NBDY: variants seen among roughly 807,000 people sequenced by gnomAD.
The protein encoded by NBDY is negative regulator of P-body association.
intron 2 of NBDY, among the ~76,000 whole-genome samples, chrX:56,800,863 C>T (rs774524891): frequency 9.0e-6 from 1 of 110,915 alleles, no homozygotes; most frequent in East Asian, 2.9e-4. Flanking sequence ...TAAGCAGCAT[C>T]CCCCTCCCCT....
At chrX:56,786,362 C>T (rs1398006171) in intron 2 of NBDY, among the ~76,000 whole-genome samples, 1 of 111,698 alleles carries the variant, frequency 9.0e-6, no homozygotes, top group East Asian at 2.8e-4. Flanking sequence ...GCTCTTTGTC[C>T]TTTGTTGTGT....
At chrX:56,782,265 T>C (rs866678958) in intron 2 of NBDY, among the ~76,000 whole-genome samples, 1 of 108,777 alleles carries the variant, frequency 9.2e-6, no homozygotes, top group Non-Finnish European at 1.9e-5. Flanking sequence ...TAATTCCTCT[T>C]CTCTTTTTTG....
At position 56,732,119 on chromosome X, in the gene NBDY, C is replaced by T. The variant is rs1485182238; in HGVS notation, c.*86C>T. 3 of 294,843 alleles carry T rather than the reference C, an allele frequency of 1.0e-5. No homozygotes were observed. Among genetic ancestry groups the T allele is most frequent in the Non-Finnish European group, 1.8e-5 (3 of 169,692 alleles). The allele number at this position is 294,843 out of a possible 1,213,427, so 24.3% of individuals were successfully genotyped here. A position where few individuals can be genotyped will look rare whatever the true frequency, so the allele number is the denominator to read the frequency against. ...CCTGGTGCATTCATATAATAGTTCA[C>T]CTGGTGAAAACAATGAAGATTATTT... On this transcript the variant is annotated 3_prime_UTR_variant, in exon 2 of 3. Transcript: ENST00000374922.
intron 2 of NBDY, among the ~76,000 whole-genome samples, chrX:56,806,958 TA>T (rs1352074189): frequency 5.3e-5 from 6 of 112,378 alleles, no homozygotes; most frequent in Non-Finnish European, 3.8e-5. Context: ...GTTTTAGGTT[TA>T]AGTCTTTAAT....
At chrX:56,766,996 C>T (rs1261633201) in intron 2 of NBDY, among the ~76,000 whole-genome samples, 1 of 112,801 alleles carries the variant, frequency 8.9e-6, no homozygotes, top group African/African-American at 3.2e-5. Flanking sequence ...ATCCGTTCTT[C>T]GGACCTCCAT....
chrX:56,767,653 T>G (rs531129483), intron 2 of NBDY, among the ~76,000 whole-genome samples: 6 of 113,584 alleles, frequency 5.3e-5, no homozygotes, highest in South Asian at 7.1e-4. Context: ...GCTACTGTGC[T>G]CCACTTCTCG....
At chrX:56,764,335 C>T (rs1181397489) in intron 2 of NBDY, among the ~76,000 whole-genome samples, 6 of 112,040 alleles carry the variant, frequency 5.4e-5, no homozygotes, top group Admixed American at 9.4e-5. Flanking sequence ...CCAGTGGCTT[C>T]GTTTATGTCC....
At chrX:56,741,665 CTT>C (rs1251311292) in intron 2 of NBDY, among the ~76,000 whole-genome samples, 1 of 111,825 alleles carries the variant, frequency 8.9e-6, no homozygotes, top group Non-Finnish European at 1.9e-5. Context: ...CTATTCAAAT[CTT>C]TGTCACAATT....
chrX:56,740,696 G>A (rs752741316), intron 2 of NBDY, among the ~76,000 whole-genome samples: 1 of 110,932 alleles, frequency 9.0e-6, no homozygotes, highest in African/African-American at 3.3e-5. Flanking sequence ...CTTTTTGAAT[G>A]TAAATTTTTT....
chrX:56,753,127 T>C (rs2069593765), intron 2 of NBDY, among the ~76,000 whole-genome samples: 1 of 112,589 alleles, frequency 8.9e-6, no homozygotes, highest in Admixed American at 9.4e-5. Flanking sequence ...CAACACTTAC[T>C]GAACACTTGC....
intron 2 of NBDY, among the ~76,000 whole-genome samples, chrX:56,814,127 T>C (rs1306770607): frequency 9.0e-6 from 1 of 111,676 alleles, no homozygotes. Context: ...TTTCTATCAA[T>C]TTTTCTGGAC....
chrX:56,808,921 A>C (rs190286772), intron 2 of NBDY, among the ~76,000 whole-genome samples: 9 of 112,609 alleles, frequency 8.0e-5, no homozygotes, highest in Admixed American at 4.7e-4. Context: ...CCCTCTCCAC[A>C]CTGCTTTAAA....
intron 2 of NBDY, among the ~76,000 whole-genome samples, chrX:56,788,300 A>T (rs1189971861): frequency 1.8e-5 from 2 of 112,783 alleles, no homozygotes; most frequent in Non-Finnish European, 3.7e-5. Flanking sequence ...AAGCAAGGTT[A>T]TGGTTGTAGT....
chrX:56,757,541 A>G (rs2069617582), intron 2 of NBDY, among the ~76,000 whole-genome samples: 1 of 111,707 alleles, frequency 9.0e-6, no homozygotes, highest in African/African-American at 3.3e-5. Context: ...ATGAGGAACC[A>G]ACTAAGGTAC....
At chrX:56,805,360 T>C (rs2069843632) in intron 2 of NBDY, among the ~76,000 whole-genome samples, 1 of 112,114 alleles carries the variant, frequency 8.9e-6, no homozygotes, top group South Asian at 3.8e-4. Flanking sequence ...CTTTTTCCTG[T>C]CTTTATCTGT....
intron 2 of NBDY, among the ~76,000 whole-genome samples, chrX:56,748,784 G>A (rs1345010650): frequency 4.0e-5 from 4 of 100,930 alleles, no homozygotes; most frequent in African/African-American, 1.1e-4. Flanking sequence ...TGTTGTGAGA[G>A]CAGAGGCCAG....
At chrX:56,760,694 AC>A in intron 2 of NBDY, among the ~76,000 whole-genome samples, 1 of 112,037 alleles carries the variant, frequency 8.9e-6, no homozygotes, top group Middle Eastern at 4.6e-3. Context: ...CAAAAAACAA[AC>A]AAACAAACAA....
intron 2 of NBDY, among the ~76,000 whole-genome samples, chrX:56,765,879 A>C (rs2069663179): frequency 1.2e-5 from 1 of 84,641 alleles, no homozygotes; most frequent in African/African-American, 4.5e-5. Context: ...TTTTCCTTTC[A>C]CTTGCGGATC....
intron 2 of NBDY, among the ~76,000 whole-genome samples, chrX:56,752,620 A>T (rs907221184): frequency 1.8e-5 from 2 of 110,495 alleles, no homozygotes; most frequent in South Asian, 7.7e-4. Flanking sequence ...TTATTTATTT[A>T]TTTTTTTGAG....
Sources: gnomAD v4.1 joint callset for allele counts (sites outside exome capture counted in the v4.1 genomes callset) on GRCh38, gnomAD v4.1.1 for gene constraint, MANE v1.5 for transcripts, NCBI Gene and HGNC (gene_info 2026-07-23, HGNC 2026-07-21) for gene names.